The following COBL variants were observed in gnomAD, a reference collection of about 807,000 sequenced individuals.
COBL encodes the protein cordon-bleu WH2 repeat protein, also known as protein cordon-bleu.
COBL carries 51 observed loss-of-function variants against 98.8 expected under a neutral mutation model. The ratio of observed to expected loss-of-function variants is 0.52; its 90% CI spans 0.41 to 0.65. COBL has a LOEUF of 0.65. Ranked by LOEUF, COBL falls within the 30% of genes least tolerant of loss-of-function variation. The pLI is 0.00. For synonymous variants in COBL, 634 were observed against 651.7 expected (o/e 0.97, Z 0.41); for missense variants, 1,617 against 1,617.5 (o/e 1.00, Z 0.01).
Position 51,157,904 on chromosome 7 carries a change from TAAAC to T in COBL, c.784-21577_784-21574del, listed in dbSNP as rs562537314. Among the ~76,000 whole-genome samples, 283 of 152,336 alleles carry T rather than the reference TAAAC, an allele frequency of 1.9e-3. 1 individual carries two copies. Among genetic ancestry groups the T allele is most frequent in the African/African-American group, 6.3e-3 (260 of 41,586 alleles). On this transcript the variant is annotated intron_variant, in intron 5 of 12. Coordinates refer to ENST00000265136, the MANE Select transcript of COBL (RefSeq NM_015198.5). ...TATAATTTTTATTTGTCAATTGAAATAAACAAAATACAGACAATCATCACACACA... is the reference window on the plus strand; with the variant it reads ...TATAATTTTTATTTGTCAATTGAAATAAAATACAGACAATCATCACACACA...
intron 5 of COBL, among the ~76,000 whole-genome samples, chr7:51,167,491 T>G (rs945792861): frequency 6.6e-6 from 1 of 151,932 alleles, no homozygotes; most frequent in Admixed American, 6.6e-5. Context: ...TTGCTAAAAT[T>G]TCCATACTAC....
At chr7:51,114,881 T>A (rs766620859) in intron 6 of COBL, among the ~76,000 whole-genome samples, 36 of 152,220 alleles carry the variant, frequency 2.4e-4, no homozygotes, top group Admixed American at 7.2e-4. Flanking sequence ...TAGCTCCAAT[T>A]TTAGCTATCT....
chr7:51,105,819 T>G (rs1034682696), intron 6 of COBL, among the ~76,000 whole-genome samples: 12 of 152,006 alleles, frequency 7.9e-5, no homozygotes, highest in African/African-American at 2.9e-4. Flanking sequence ...AAACAAGGCT[T>G]AAGTACTAAT....
intron 1 of COBL, among the ~76,000 whole-genome samples, chr7:51,286,992 G>A (rs1209298565): frequency 2.6e-5 from 4 of 152,174 alleles, no homozygotes; most frequent in Non-Finnish European, 5.9e-5. Flanking sequence ...ACTATCCTAA[G>A]TGAATTAATG....
chr7:51,298,671 A>G (rs1301205622), intron 1 of COBL, among the ~76,000 whole-genome samples: 1 of 152,190 alleles, frequency 6.6e-6, no homozygotes, highest in Non-Finnish European at 1.5e-5. Flanking sequence ...GAATACACAG[A>G]TGTTGGGACT....
chr7:51,144,818 G>C (rs1271159632), intron 5 of COBL, among the ~76,000 whole-genome samples: 1 of 152,132 alleles, frequency 6.6e-6, no homozygotes, highest in Non-Finnish European at 1.5e-5. Flanking sequence ...TTTGTGTTTG[G>C]CTTTCACTTA....
At chr7:51,239,308 A>T (rs1470632180) in intron 1 of COBL, among the ~76,000 whole-genome samples, 1 of 152,164 alleles carries the variant, frequency 6.6e-6, no homozygotes, top group Non-Finnish European at 1.5e-5. Context: ...GCTAAATCCC[A>T]CCAAAGCCAT....
Position 51,042,094 on chromosome 7 carries a change from G to A in COBL, c.1406+1289C>T, listed in dbSNP as rs150426026. On this transcript the variant is annotated intron_variant, in intron 8 of 12. Coordinates refer to ENST00000265136, the MANE Select transcript of COBL (RefSeq NM_015198.5). ...AAAAATAAACCCCAGGTACAAGAGG[G>A]CCCAAATGTGAGAGAGCAGTTTTAC... Among the ~76,000 whole-genome samples, 3 of 152,214 alleles carry A rather than the reference G, an allele frequency of 2.0e-5. No homozygotes were observed. The East Asian group carries it at 5.8e-4, about 29-fold the overall frequency.
chr7:51,118,412 T>C (rs951020830), intron 6 of COBL, among the ~76,000 whole-genome samples: 3 of 152,008 alleles, frequency 2.0e-5, no homozygotes, highest in Non-Finnish European at 4.4e-5. Flanking sequence ...AAATTGCTTC[T>C]CTGGCGGGTT....
rs144544790 is a variant in COBL, at chr7:51,275,681, C to G, written c.41+40912G>C. ...CACCACCAGCCGCCACCAGCCACCA[C>G]CAGCCGTGACTGCTCTTGTGAGCTC... On this transcript the variant is annotated intron_variant, in intron 1 of 12. Coordinates refer to ENST00000265136, the MANE Select transcript of COBL (RefSeq NM_015198.5). Among the ~76,000 whole-genome samples, 989 of 152,340 alleles carry G rather than the reference C, an allele frequency of 6.5e-3. 11 individuals are homozygous for G. Among genetic ancestry groups the G allele is most frequent in the East Asian group, 0.058 (302 of 5,170 alleles).
Position 51,195,038 on chromosome 7 carries a change from A to C in COBL, c.246-1449T>G, listed in dbSNP as rs189817283. Among the ~76,000 whole-genome samples, 50 of 152,136 alleles carry C rather than the reference A, an allele frequency of 3.3e-4. 1 individual carries two copies. Among genetic ancestry groups the C allele is most frequent in the Admixed American group, 3.0e-3 (46 of 15,280 alleles). Reference sequence around the variant, plus strand: ...GTAGTTTAATTAGATTCCATTTGTCAGGTTTTGCTTTTGTTGCAATTGGTT... The same window carrying C: ...GTAGTTTAATTAGATTCCATTTGTCCGGTTTTGCTTTTGTTGCAATTGGTT... On this transcript the variant is annotated intron_variant, in intron 2 of 12. Coordinates refer to ENST00000265136, the MANE Select transcript of COBL (RefSeq NM_015198.5).
intron 5 of COBL, 144 bp downstream of exon 5, chr7:51,183,958 A>G: frequency 9.0e-6 from 4 of 445,474 alleles, no homozygotes; most frequent in Non-Finnish European, 1.6e-5. Context: ...TCCAGTGCAT[A>G]CTAATAAGCT....
At chr7:51,249,927 C>A (rs1310803149) in intron 1 of COBL, among the ~76,000 whole-genome samples, 1 of 152,090 alleles carries the variant, frequency 6.6e-6, no homozygotes, top group African/African-American at 2.4e-5. Flanking sequence ...TGTGGGGAAA[C>A]CCTGTCTCTA....
At chr7:51,281,717 A>G (rs1309015717) in intron 1 of COBL, among the ~76,000 whole-genome samples, 1 of 152,200 alleles carries the variant, frequency 6.6e-6, no homozygotes, top group African/African-American at 2.4e-5. Context: ...ACAGTGAAAC[A>G]AAGATATTCT....
chr7:51,202,379 C>A (rs776144630), intron 2 of COBL, among the ~76,000 whole-genome samples: 1 of 152,096 alleles, frequency 6.6e-6, no homozygotes, highest in Non-Finnish European at 1.5e-5. Context: ...AATATGGTTA[C>A]AATTGTTATA....
In COBL at chr7:51,028,638, A is replaced by C; in HGVS notation, c.2458T>G (p.Ser820Ala). ...DPKPISPQQK[S>A]AHHEGRNPLG... is the part of the protein sequence containing the mutation. ...GGGTTCCGGCCCTCATGGTGGGCAG[A>C]CTTCTGCTGGGGCGATATTGGCTTG... Residue 820 changes from serine (S) to alanine (A), a missense_variant, in exon 10 of 13, where the codon TCT (serine) becomes GCT (alanine). Ser to Ala is a moderately conservative substitution (Grantham distance 99, BLOSUM62 1). This residue lies in a region of COBL where 1,304 missense variants were observed against 1,282.0 expected (regional missense o/e 1.02). Transcript: ENST00000265136. The C allele has an allele frequency of 6.2e-7, 1 of 1,613,288 alleles. No individual in the cohort carries two copies. The highest frequency in any genetic ancestry group is 8.5e-7 in the Non-Finnish European group (1 of 1,179,584).
chr7:51,064,643 G>C (rs572825971), intron 7 of COBL: 1 of 152,886 alleles, frequency 6.5e-6, no homozygotes, highest in South Asian at 2.1e-4. Context: ...TCAGTGAGTA[G>C]AGTATCAGAT....
intron 2 of COBL, among the ~76,000 whole-genome samples, chr7:51,214,909 C>A (rs1320596501): frequency 6.6e-6 from 1 of 152,162 alleles, no homozygotes; most frequent in Non-Finnish European, 1.5e-5. Context: ...ACAGGCCATA[C>A]CAGTGTCCAG....
intron 7 of COBL, among the ~76,000 whole-genome samples, chr7:51,078,150 G>T (rs1793266719): frequency 6.6e-6 from 1 of 152,170 alleles, no homozygotes; most frequent in Admixed American, 6.5e-5. Context: ...TGCCAGATGG[G>T]CCTGGCTCAT....
Sources: gnomAD v4.1 joint callset for allele counts (sites outside exome capture counted in the v4.1 genomes callset) on GRCh38, gnomAD v4.1.1 for gene constraint, gnomAD v4.1.1 regional missense constraint, MANE v1.5 for transcripts, NCBI Gene and HGNC (gene_info 2026-07-23, HGNC 2026-07-21) for gene names.